Variants in PSEN2 observed in about 807,000 individuals in gnomAD.
The protein encoded by PSEN2 is presenilin 2.
In PSEN2, 32 loss-of-function variants were observed where a neutral mutation model predicts 49.1. The observed-to-expected ratio is 0.65, with a 90% CI of 0.49 to 0.88. PSEN2 has a LOEUF of 0.88. PSEN2 is among the 40% of genes least tolerant of loss of function. The probability of loss-of-function intolerance (pLI) is 0.00; values close to 1 mark genes in which losing one functional copy is unlikely to be tolerated. For missense variants in PSEN2, 522 were observed against 586.9 expected, an observed-to-expected ratio of 0.89 and a Z score of 1.14; for synonymous variants, 255 against 244.0, an observed-to-expected ratio of 1.05 and a Z score of -0.42.
chr1:226,902,100 T>C (rs1365076702), intron 12 of PSEN2, among the ~76,000 whole-genome samples: 2 of 152,150 alleles, frequency 1.3e-5, no homozygotes. Context: ...AGACAGTTTT[T>C]CCACAGATAG....
chr1:226,880,565 C>CTGGACAGCGATCACTCAGCCTT (rs1488320924), intron 3 of PSEN2: 1 of 1,581,502 alleles, frequency 6.3e-7, no homozygotes, highest in Non-Finnish European at 8.5e-7. Context: ...CACTCAGCCT[C>CTGGACAGCGATCACTCAGCCTT]TGGACAGCGA....
At chr1:226,888,315 T>C (rs1180929697) in intron 7 of PSEN2, among the ~76,000 whole-genome samples, 157 bp downstream of exon 7, 1 of 152,138 alleles carries the variant, frequency 6.6e-6, no homozygotes, top group Non-Finnish European at 1.5e-5. Context: ...TCGCCCTCTC[T>C]CATGGCCTTG....
chr1:226,894,160 G>A (rs202069038), intron 12 of PSEN2, 35 bp downstream of exon 12: 54 of 1,575,656 alleles, frequency 3.4e-5, no homozygotes, highest in Non-Finnish European at 4.4e-5. Context: ...CTGCCTCGTG[G>A]TGGGGGCCCC....
At chr1:226,889,953 C>G (rs1661629132) in intron 8 of PSEN2, 82 bp from the exon 9 acceptor site, 1 of 1,107,704 alleles carries the variant, frequency 9.0e-7, no homozygotes, top group Admixed American at 1.7e-5. Context: ...GAGCTCCACC[C>G]GGGGCTCCTG....
chr1:226,878,813 G>A (rs780690919), intron 3 of PSEN2, among the ~76,000 whole-genome samples: 3 of 152,190 alleles, frequency 2.0e-5, no homozygotes, highest in Non-Finnish European at 2.9e-5. Flanking sequence ...GTACAGCCTC[G>A]TATCTCATCC....
rs1012322117 is a variant in PSEN2, at chr1:226,888,016, G to A, written c.499-75G>A. The stretch of plus-strand genomic sequence containing the variant: ...GAAGAGCATTCAGGCTTGGGTATCA[G>A]TCTCAGGATCCTGGGGGCCTTAGAA... On this transcript the variant is annotated intron_variant, in intron 6 of 12. Coordinates refer to ENST00000366783, the MANE Select transcript of PSEN2 (RefSeq NM_000447.3). 12 of 1,239,806 alleles carry A rather than the reference G, an allele frequency of 9.7e-6. 1 individual carries two copies. The South Asian group carries it at 1.3e-4, about 14-fold the overall frequency. 76.8% of individuals were successfully genotyped at this position (1,239,806 alleles called of 1,614,324 possible). A position where few individuals can be genotyped will look rare whatever the true frequency, so the allele number is the denominator to read the frequency against.
At chr1:226,892,385 G>A in intron 11 of PSEN2, among the ~76,000 whole-genome samples, 1 of 152,212 alleles carries the variant, frequency 6.6e-6, no homozygotes, top group East Asian at 1.9e-4. Context: ...GAGCAGAAGT[G>A]TGGGAGAGCC....
At chr1:226,899,777 G>T (rs35213802), downstream of PSEN2, among the ~76,000 whole-genome samples, 28,386 of 152,024 alleles carry the variant, frequency 0.19, 2,994 homozygotes, top group South Asian at 0.26. Flanking sequence ...TCAGTAAGTG[G>T]CTTTCACCTC....
At chr1:226,876,921 CTT>C (rs1660665550) in intron 3 of PSEN2, among the ~76,000 whole-genome samples, 1 of 152,126 alleles carries the variant, frequency 6.6e-6, no homozygotes, top group South Asian at 2.1e-4. Flanking sequence ...TGTTTTGGGC[CTT>C]TTTCAGCCCA....
intron 3 of PSEN2, among the ~76,000 whole-genome samples, chr1:226,879,137 G>T (rs1660816136): frequency 6.6e-6 from 1 of 152,176 alleles, no homozygotes; most frequent in Non-Finnish European, 1.5e-5. Flanking sequence ...CTCCCAAACT[G>T]TTGGGATTAC....
Position 226,891,346 on chromosome 1 carries a change from TA to T in PSEN2, c.956del (p.Tyr319SerfsTer26). 1.2e-6 allele frequency: 2 copies of T among 1,613,226 alleles called. No homozygotes were observed. The highest frequency in any genetic ancestry group is 1.7e-6 in the Non-Finnish European group (2 of 1,179,740). On this transcript the variant is annotated frameshift_variant, in exon 10 of 13. Coordinates refer to ENST00000366783, the MANE Select transcript of PSEN2 (RefSeq NM_000447.3). LOFTEE classifies it high-confidence loss of function. ...CTCTCAGGGTGCCCTCCAGCTCCCC[TA>T]CGACCCGGAGATGGGTGAGTATCTT... ...PSSQGALQLP[Y>X]DPEMEEDSYD... is the part of the protein sequence containing the mutation.
chr1:226,895,372 T>A (rs1662070497), intron 12 of PSEN2, 52 bp from the exon 13 acceptor site: 2 of 1,608,012 alleles, frequency 1.2e-6, no homozygotes, highest in Non-Finnish European at 1.7e-6. Flanking sequence ...GACTCACAGC[T>A]CCTGTCCACA....
chr1:226,887,265 G>T (rs976147669), intron 6 of PSEN2, among the ~76,000 whole-genome samples: 1 of 152,286 alleles, frequency 6.6e-6, no homozygotes, highest in East Asian at 1.9e-4. Flanking sequence ...GGATGAAGAG[G>T]GTTGGCAGGT....
chr1:226,894,344 A>AG (rs1005888187), intron 12 of PSEN2, among the ~76,000 whole-genome samples: 1 of 152,202 alleles, frequency 6.6e-6, no homozygotes, highest in African/African-American at 2.4e-5. Flanking sequence ...AGGACAGTGC[A>AG]GGGGAGGGTG....
chr1:226,894,361 G>A (rs1470930866), intron 12 of PSEN2, among the ~76,000 whole-genome samples: 1 of 152,220 alleles, frequency 6.6e-6, no homozygotes, highest in Non-Finnish European at 1.5e-5. Flanking sequence ...GGTGAGGAGT[G>A]TACCGGCCCC....
chr1:226,888,219 A>C, intron 7 of PSEN2, 61 bp downstream of exon 7: 5 of 1,435,998 alleles, frequency 3.5e-6, no homozygotes, highest in Non-Finnish European at 3.9e-6. Flanking sequence ...ACAAGTGGAC[A>C]TGGGCATGAG....
intron 6 of PSEN2, 77 bp downstream of exon 6, chr1:226,885,756 G>A: frequency 6.4e-7 from 1 of 1,573,492 alleles, no homozygotes; most frequent in South Asian, 1.1e-5. Context: ...CCGTGAAACA[G>A]CCGCCTTTAG....
chr1:226,894,963 CA>C (rs1558155220), intron 12 of PSEN2, among the ~76,000 whole-genome samples: 3 of 152,338 alleles, frequency 2.0e-5, no homozygotes. Flanking sequence ...TCAGCTGGGT[CA>C]GGGGAGGATG....
At chr1:226,900,104 T>C (rs1193280396), downstream of PSEN2, among the ~76,000 whole-genome samples, 3 of 152,064 alleles carry the variant, frequency 2.0e-5, no homozygotes, top group Non-Finnish European at 4.4e-5. Flanking sequence ...TCGTGAGGGA[T>C]CATGTGAATC....
Sources: gnomAD v4.1 joint callset for allele counts (sites outside exome capture counted in the v4.1 genomes callset) on GRCh38, gnomAD v4.1.1 for gene constraint, MANE v1.5 for transcripts, NCBI Gene and HGNC (gene_info 2026-07-23, HGNC 2026-07-21) for gene names.